AUTS2: variants seen among roughly 807,000 people sequenced by gnomAD.
AUTS2 encodes the protein autism susceptibility gene 2 protein.
A neutral mutation model predicts 112.4 loss-of-function variants in AUTS2; 17 were observed. The observed-to-expected ratio is 0.15, with a 90% confidence interval of 0.10 to 0.23. The LOEUF (loss-of-function observed/expected upper bound fraction) is 0.23, where lower values mean the gene tolerates loss of function less well. Among genes scored for constraint, AUTS2 ranks in the 10% least tolerant of loss-of-function variants. The probability of loss-of-function intolerance (pLI) is 1.00; values close to 1 mark genes in which losing one functional copy is unlikely to be tolerated. For missense variants in AUTS2, 1,510 were observed against 1,701.6 expected (o/e 0.89, Z 1.98); for synonymous variants, 751 against 702.7 (o/e 1.07, Z -1.09).
At chr7:70,697,196 A>G (rs2129547281) in intron 5 of AUTS2, among the ~76,000 whole-genome samples, 1 of 152,304 alleles carries the variant, frequency 6.6e-6, no homozygotes, top group Non-Finnish European at 1.5e-5. Flanking sequence ...GATGTCAGGA[A>G]GGCCCTCTGT....
rs554881140 is a variant in AUTS2, at chr7:70,790,203, C to A, written c.2987C>A (p.Ala996Asp). ...RKEDHDLPPEAPQTHRASEPP... is the reference protein window; with the variant it reads ...RKEDHDLPPEDPQTHRASEPP... ...GAAGACCATGACCTGCCTCCAGAGGCCCCGCAGACCCACCGGGCCTCGGAG... is the reference window on the plus strand; with the variant it reads ...GAAGACCATGACCTGCCTCCAGAGGACCCGCAGACCCACCGGGCCTCGGAG... Residue 996 changes from alanine (A) to aspartate (D), a missense_variant, in exon 19 of 19, where the codon GCC becomes GAC. By Grantham distance (126) the Ala-to-Asp change is moderately radical. This residue lies in a region of AUTS2 where 788 missense variants were observed against 797.6 expected (regional missense o/e 0.99). Transcript: ENST00000342771. The surrounding 1 kb of genome is among the most constrained non-coding windows in gnomAD (Gnocchi z 7.6). The A allele has an allele frequency of 3.1e-6, 5 of 1,612,616 alleles. No homozygotes were observed. The highest frequency in any genetic ancestry group is 1.1e-5 in the South Asian group (1 of 91,062).
In AUTS2 at chr7:70,481,175, A is replaced by G. The variant is rs182309351; in HGVS notation, c.690+45394A>G. 2.8e-3 allele frequency among the ~76,000 whole-genome samples: 419 copies of G among 152,320 alleles called. 6 individuals carry two copies. The highest frequency in any genetic ancestry group is 0.025 in the Admixed American group (381 of 15,304). ...AAGCAGTTAAACTGGTTCAGCTCTCAGGACAAATGTAAAATGAAGGGCTCA... is the reference window on the plus strand; with the variant it reads ...AAGCAGTTAAACTGGTTCAGCTCTCGGGACAAATGTAAAATGAAGGGCTCA... On this transcript the variant is annotated intron_variant, in intron 5 of 18. Transcript: ENST00000342771.
intron 4 of AUTS2, among the ~76,000 whole-genome samples, chr7:70,243,892 C>CAGTAATAGTA (rs1389724525): frequency 6.6e-6 from 1 of 151,762 alleles, no homozygotes; most frequent in Non-Finnish European, 1.5e-5. Flanking sequence ...TTTACCTTGA[C>CAGTAATAGTA]AGTAATAGTA....
chr7:70,728,354 G>A (rs184022373), intron 6 of AUTS2, among the ~76,000 whole-genome samples: 3 of 152,174 alleles, frequency 2.0e-5, no homozygotes, highest in African/African-American at 4.8e-5. Context: ...GCATTATCTG[G>A]TTGGAAAACT....
intron 5 of AUTS2, among the ~76,000 whole-genome samples, chr7:70,616,070 A>G (rs1040408055): frequency 9.2e-5 from 14 of 152,202 alleles, no homozygotes; most frequent in African/African-American, 3.4e-4. Flanking sequence ...TAGCAGAGAT[A>G]AAGGAGGGAT....
chr7:69,902,158 G>A (rs1441954934), intron 2 of AUTS2, among the ~76,000 whole-genome samples: 1 of 151,860 alleles, frequency 6.6e-6, no homozygotes, highest in African/African-American at 2.4e-5. Context: ...AGGAGGGAGG[G>A]GAGTGGTCCA....
At chr7:70,470,651 A>G (rs1797343647) in intron 5 of AUTS2, among the ~76,000 whole-genome samples, 1 of 152,158 alleles carries the variant, frequency 6.6e-6, no homozygotes, top group African/African-American at 2.4e-5. Context: ...AAGTCAGTAA[A>G]TGGACACAAT....
At chr7:69,653,517 T>C (rs1795381854) in intron 1 of AUTS2, among the ~76,000 whole-genome samples, 1 of 152,204 alleles carries the variant, frequency 6.6e-6, no homozygotes, top group South Asian at 2.1e-4. Flanking sequence ...TTCTCACTCA[T>C]GAGTTTCAGA....
chr7:69,861,935 C>T (rs1483128258), intron 1 of AUTS2, among the ~76,000 whole-genome samples: 14 of 152,042 alleles, frequency 9.2e-5, no homozygotes. Context: ...CATGAGTGTG[C>T]TTCCTGGAAT....
intron 4 of AUTS2, among the ~76,000 whole-genome samples, chr7:70,212,566 A>G (rs1247390943): frequency 6.6e-6 from 1 of 152,218 alleles, no homozygotes; most frequent in Non-Finnish European, 1.5e-5. Flanking sequence ...TTGGTGTTAC[A>G]AAAAATTTTA....
Position 70,127,880 on chromosome 7 carries a change from C to CA in AUTS2, c.625-6655dup, listed in dbSNP as rs142859217. Among the ~76,000 whole-genome samples the CA allele has an allele frequency of 3.2e-3, 482 of 152,236 alleles. 2 individuals carry two copies. The highest frequency in any genetic ancestry group is 5.6e-3 in the Non-Finnish European group (382 of 68,000). The stretch of plus-strand genomic sequence containing the variant: ...TTGTCTATCCCACAGTGCCACTGTT[C>CA]ATCCACCCATGCCAGCATCTGTCCT... On this transcript the variant is annotated intron_variant, in intron 3 of 18. Coordinates refer to ENST00000342771, the MANE Select transcript of AUTS2 (RefSeq NM_015570.4).
At chr7:70,539,411 CTG>C (rs1011268769) in intron 5 of AUTS2, among the ~76,000 whole-genome samples, 3 of 152,308 alleles carry the variant, frequency 2.0e-5, no homozygotes, top group African/African-American at 7.2e-5. Context: ...TTGAAAAGCC[CTG>C]TGGAACTAGG....
intron 5 of AUTS2, among the ~76,000 whole-genome samples, chr7:70,514,666 AT>A (rs1799342652): frequency 6.6e-6 from 1 of 152,214 alleles, no homozygotes; most frequent in Non-Finnish European, 1.5e-5. Flanking sequence ...GGGACAGAAC[AT>A]CCAAAGCGTA....
chr7:70,239,735 C>T (rs1812511362), intron 4 of AUTS2, among the ~76,000 whole-genome samples: 1 of 152,120 alleles, frequency 6.6e-6, no homozygotes, highest in South Asian at 2.1e-4. Flanking sequence ...ATACCCGGCC[C>T]CTGCAACCTA....
chr7:70,652,843 G>A (rs866117439), intron 5 of AUTS2, among the ~76,000 whole-genome samples: 2 of 152,154 alleles, frequency 1.3e-5, no homozygotes, highest in Admixed American at 1.3e-4. Context: ...GTGTTTTTTG[G>A]TGATTGGTTG....
At chr7:70,337,218 A>G (rs547555016) in intron 4 of AUTS2, among the ~76,000 whole-genome samples, 27 of 152,330 alleles carry the variant, frequency 1.8e-4, no homozygotes, top group Admixed American at 1.8e-3. Context: ...GACTTAAAGG[A>G]TGAAGGGTGA....
intron 5 of AUTS2, among the ~76,000 whole-genome samples, chr7:70,581,365 A>G (rs1284278693): frequency 2.0e-5 from 3 of 152,160 alleles, no homozygotes; most frequent in Non-Finnish European, 4.4e-5. Flanking sequence ...CAGCCTGGGC[A>G]AGAAGAGCGA....
At chr7:69,867,056 T>C (rs1793267812) in intron 1 of AUTS2, among the ~76,000 whole-genome samples, 1 of 152,142 alleles carries the variant, frequency 6.6e-6, no homozygotes, top group Admixed American at 6.5e-5. Context: ...GCCTTTAGGA[T>C]TGTTAGGGTG....
intron 4 of AUTS2, among the ~76,000 whole-genome samples, chr7:70,384,979 C>A (rs922736220): frequency 6.6e-6 from 1 of 152,178 alleles, no homozygotes; most frequent in Admixed American, 6.5e-5. Flanking sequence ...TAAAGTCTGG[C>A]ACAGCCCTGG....
Sources: gnomAD v4.1 joint callset for allele counts (sites outside exome capture counted in the v4.1 genomes callset) on GRCh38, gnomAD v4.1.1 for gene constraint, gnomAD v4.1.1 regional missense constraint, Gnocchi (gnomAD v3.1) non-coding constraint, MANE v1.5 for transcripts, NCBI Gene and HGNC (gene_info 2026-07-23, HGNC 2026-07-21) for gene names.